The following SVOP variants were observed in gnomAD, a reference collection of about 807,000 sequenced individuals.
SVOP encodes the protein synaptic vesicle 2-related protein.
SVOP carries 17 observed loss-of-function variants against 69.1 expected under a neutral mutation model. That is an observed-to-expected ratio of 0.25 (90% CI 0.17 to 0.37). SVOP has a LOEUF of 0.37. SVOP is among the 10% of genes least tolerant of loss of function. The pLI is 1.00. For missense variants in SVOP, 435 were observed against 597.5 expected (o/e 0.73, Z 2.84); for synonymous variants, 238 against 238.6 (o/e 1.00, Z 0.02).
chr12:109,005,454 C>T (rs1402760623), intron 1 of SVOP, among the ~76,000 whole-genome samples: 1 of 152,166 alleles, frequency 6.6e-6, no homozygotes, highest in Non-Finnish European at 1.5e-5. Context: ...TGAGGGCTGA[C>T]ATGCTGAGTG....
chr12:109,019,014 C>A (rs1040036157), intron 1 of SVOP, among the ~76,000 whole-genome samples: 2 of 152,020 alleles, frequency 1.3e-5, no homozygotes, highest in African/African-American at 4.8e-5. Flanking sequence ...GGATTTGAAC[C>A]CAAGTATGTC....
chr12:108,965,207 C>T (rs2040038118), intron 5 of SVOP, among the ~76,000 whole-genome samples: 1 of 152,192 alleles, frequency 6.6e-6, no homozygotes, highest in Non-Finnish European at 1.5e-5. Context: ...TCACAGCAGC[C>T]CTGTGAACAA....
At chr12:109,009,998 C>A (rs1467493044) in intron 1 of SVOP, among the ~76,000 whole-genome samples, 1 of 151,784 alleles carries the variant, frequency 6.6e-6, no homozygotes, top group Non-Finnish European at 1.5e-5. Context: ...TAGCTCACAC[C>A]TTTAAGCCCA....
rs760337235 is a variant in SVOP, at chr12:108,978,706, C to G, written c.197-43G>C. 8.7e-5 allele frequency: 61 copies of G among 701,252 alleles called. 1 individual carries two copies. The South Asian group carries it at 9.0e-4, about 10-fold the overall frequency. 43.4% of individuals were successfully genotyped at this position (701,252 alleles called of 1,614,324 possible). A position where few individuals can be genotyped will look rare whatever the true frequency, so the allele number is the denominator to read the frequency against. On this transcript the variant is annotated intron_variant, in intron 2 of 15. Coordinates refer to ENST00000610966, the MANE Select transcript of SVOP (RefSeq NM_018711.5). ...AGAGGGAAGGAAGGAATCAGTGCAC[C>G]TTGCAGTTGTCCTAGTGTGGGGTTT...
chr12:108,967,395 A>T (rs2040051934), intron 5 of SVOP, among the ~76,000 whole-genome samples: 1 of 152,102 alleles, frequency 6.6e-6, no homozygotes, highest in South Asian at 2.1e-4. Context: ...GCTACTTGGG[A>T]GGCTGAAGCA....
At chr12:109,009,548 G>A (rs2135629713) in intron 1 of SVOP, among the ~76,000 whole-genome samples, 1 of 152,206 alleles carries the variant, frequency 6.6e-6, no homozygotes, top group East Asian at 1.9e-4. Context: ...GAGTAGCTGG[G>A]ATTACAGGCA....
intron 1 of SVOP, among the ~76,000 whole-genome samples, chr12:108,988,449 C>A (rs1271360845): frequency 6.6e-6 from 1 of 152,098 alleles, no homozygotes; most frequent in Non-Finnish European, 1.5e-5. Flanking sequence ...TACGGACATC[C>A]AATGTTCCTA....
At chr12:108,925,144 G>A (rs2039772551) in intron 11 of SVOP, among the ~76,000 whole-genome samples, 1 of 152,174 alleles carries the variant, frequency 6.6e-6, no homozygotes, top group Non-Finnish European at 1.5e-5. Context: ...CTCTGATTTT[G>A]CCTGTAACTT....
At chr12:108,921,363 T>C (rs1414310473) in intron 12 of SVOP, among the ~76,000 whole-genome samples, 2 of 152,024 alleles carry the variant, frequency 1.3e-5, no homozygotes, top group Non-Finnish European at 2.9e-5. Flanking sequence ...CATAGTTGGG[T>C]TTTCCCAGAA....
intron 1 of SVOP, among the ~76,000 whole-genome samples, chr12:109,017,530 A>T (rs921435077): frequency 1.2e-4 from 19 of 152,108 alleles, no homozygotes; most frequent in Admixed American, 5.9e-4. Flanking sequence ...AGATTTTTTT[A>T]AAATTTTACA....
intron 6 of SVOP, among the ~76,000 whole-genome samples, chr12:108,958,840 G>A (rs1167540141): frequency 1.3e-5 from 2 of 151,660 alleles, no homozygotes; most frequent in Non-Finnish European, 2.9e-5. Flanking sequence ...TAGCCCCCCC[G>A]CCCCAATCTG....
In SVOP at chr12:108,907,822, T is replaced by C. The variant is rs1362642757; in HGVS notation, c.*4713A>G. ...AATAACATGTCCAGGACATGCTGGATATTCCATGCATACTGACCACTTGCC... is the reference window on the plus strand; with the variant it reads ...AATAACATGTCCAGGACATGCTGGACATTCCATGCATACTGACCACTTGCC... On this transcript the variant is annotated 3_prime_UTR_variant, in exon 16 of 16. Coordinates refer to ENST00000610966, the MANE Select transcript of SVOP (RefSeq NM_018711.5). The C allele has an allele frequency of 6.6e-6, 1 of 152,290 alleles. No individual in the cohort carries two copies. Among genetic ancestry groups the C allele is most frequent in the Non-Finnish European group, 1.5e-5 (1 of 68,068 alleles). The allele number at this position is 152,290 out of a possible 1,614,324, so 9.4% of individuals were successfully genotyped here.
In SVOP at chr12:108,960,992, G is replaced by A. The variant is rs573317924; in HGVS notation, c.509C>T (p.Ala170Val). ...CACCAGGATCCAGCTATACACGGGC[G>A]CAAATGCACTAAGGATGCCATAGTA... ...TLYYGILSAFAPVYSWILVLR... is the reference protein window; with the variant it reads ...TLYYGILSAFVPVYSWILVLR... Residue 170 changes from alanine (A) to valine (V), a missense_variant, in exon 6 of 16, where the codon GCG becomes GTG. Coordinates refer to ENST00000610966, the MANE Select transcript of SVOP (RefSeq NM_018711.5). 5.1e-5 allele frequency: 78 copies of A among 1,537,080 alleles called. No homozygotes were observed. Among genetic ancestry groups the A allele is most frequent in the South Asian group, 1.3e-4 (11 of 84,048 alleles).
chr12:108,912,738 T>G lies in SVOP; in HGVS notation c.1444A>C (p.Met482Leu). The G allele has an allele frequency of 6.2e-7, 1 of 1,613,552 alleles. No homozygotes were observed. The highest frequency in any genetic ancestry group is 8.5e-7 in the Non-Finnish European group (1 of 1,179,732). The change falls in exon 16 of 16, where the codon ATG becomes CTG. Residue 482 changes from methionine (M) to leucine (L), a missense_variant. Transcript: ENST00000610966. The part of the protein sequence containing the change: ...ALITPFIAQV[M>L]LESSVYLTLA... Reference sequence around the variant, plus strand: ...GTCAGGTACACAGAGGATTCCAGCATCACCTAGGGGAAGGAGACACGGGTC... The same window carrying G: ...GTCAGGTACACAGAGGATTCCAGCAGCACCTAGGGGAAGGAGACACGGGTC...
intron 6 of SVOP, among the ~76,000 whole-genome samples, chr12:108,956,871 G>T (rs1240659134): frequency 6.6e-6 from 1 of 152,216 alleles, no homozygotes; most frequent in Non-Finnish European, 1.5e-5. Flanking sequence ...GGACTCTGAA[G>T]GTGTCACTAA....
rs941718671 is a variant in SVOP at position 108,980,964 on chromosome 12, C to T, written c.197-2301G>A. On this transcript the variant is annotated intron_variant, in intron 2 of 15. Coordinates refer to ENST00000610966, the MANE Select transcript of SVOP (RefSeq NM_018711.5). ...ACTAAAGGAGGATGCTGGGTGGCCC[C>T]GTGGGTGACCTCCGAGGATCTCATC... is the stretch of plus-strand genomic sequence containing the variant. Among the ~76,000 whole-genome samples, 13 of 152,112 alleles carry T rather than the reference C, an allele frequency of 8.5e-5. No individual in the cohort carries two copies. In the East Asian group the frequency reaches 1.5e-3, roughly 18 times the overall value.
intron 15 of SVOP, among the ~76,000 whole-genome samples, chr12:108,913,759 C>G (rs887873228): frequency 1.3e-5 from 2 of 152,166 alleles, no homozygotes; most frequent in Non-Finnish European, 2.9e-5. Context: ...AGCAATTTTT[C>G]TGCCTCAGCC....
At chr12:108,997,050 C>T (rs541023234) in intron 1 of SVOP, among the ~76,000 whole-genome samples, 2 of 152,232 alleles carry the variant, frequency 1.3e-5, no homozygotes, top group Admixed American at 6.5e-5. Flanking sequence ...TCTGAGGTAC[C>T]GGGTTCATCT....
intron 14 of SVOP, 104 bp from the exon 15 acceptor site, chr12:108,915,976 G>T: frequency 9.1e-7 from 1 of 1,101,752 alleles, no homozygotes. Flanking sequence ...CGGAAGTCAG[G>T]GCAAATCCCT....
Sources: allele counts gnomAD v4.1 joint callset (sites outside exome capture counted in the v4.1 genomes callset), GRCh38; gene constraint gnomAD v4.1.1; transcripts MANE v1.5; gene names NCBI Gene and HGNC (gene_info 2026-07-23, HGNC 2026-07-21).